The following EGFLAM variants were observed in gnomAD, a reference collection of about 807,000 sequenced individuals.
EGFLAM encodes the protein EGF like, fibronectin type III and laminin G domains.
Under a neutral mutation model 113.1 loss-of-function variants are expected in EGFLAM, and 79 were observed. The observed-to-expected ratio is 0.70, with a 90% confidence interval of 0.58 to 0.84. EGFLAM has a LOEUF of 0.84. EGFLAM is among the 40% of genes least tolerant of loss of function. The pLI is 0.00. For missense variants in EGFLAM, 1,265 were observed against 1,291.6 expected, an observed-to-expected ratio of 0.98 and a Z score of 0.32; for synonymous variants, 504 against 487.6, an observed-to-expected ratio of 1.03 and a Z score of -0.44.
chr5:38,273,952 A>G (rs571866033), intron 1 of EGFLAM, among the ~76,000 whole-genome samples: 2 of 152,348 alleles, frequency 1.3e-5, no homozygotes, highest in East Asian at 3.9e-4. Flanking sequence ...ATGAACTTCA[A>G]TAAAATGCGT....
intron 7 of EGFLAM, 93 bp downstream of exon 7, chr5:38,406,334 A>T: frequency 9.1e-7 from 1 of 1,093,600 alleles, no homozygotes; most frequent in Non-Finnish European, 1.3e-6. Flanking sequence ...ATTTTACTTA[A>T]AACTTAAATG....
chr5:38,305,857 A>G (rs1021287663), intron 1 of EGFLAM, among the ~76,000 whole-genome samples: 2 of 152,220 alleles, frequency 1.3e-5, no homozygotes, highest in Non-Finnish European at 1.5e-5. Flanking sequence ...CCAAGGCAGT[A>G]GGACAGACAT....
At chr5:38,344,784 C>T (rs1739433881) in intron 3 of EGFLAM, among the ~76,000 whole-genome samples, 1 of 152,186 alleles carries the variant, frequency 6.6e-6, no homozygotes, top group Non-Finnish European at 1.5e-5. Flanking sequence ...CACATCCACA[C>T]TCTAGCCAAT....
rs142935324 is a variant in EGFLAM, at chr5:38,447,846, T to A, written c.2465-455T>A. 2.1e-3 allele frequency among the ~76,000 whole-genome samples: 314 copies of A among 151,336 alleles called. 2 individuals carry two copies. The highest frequency in any genetic ancestry group is 0.013 in the Admixed American group (205 of 15,188). ...AAGCCTCATTCATAGTGCTTTAGAG[T>A]CTCTCGAAGTCCTAGCTTAAAAGGT... is the stretch of plus-strand genomic sequence containing the variant. On this transcript the variant is annotated intron_variant, in intron 17 of 21. Coordinates refer to ENST00000322350, the MANE Select transcript of EGFLAM (RefSeq NM_152403.4).
chr5:38,341,865 G>A (rs988130046), intron 3 of EGFLAM, among the ~76,000 whole-genome samples: 1 of 151,976 alleles, frequency 6.6e-6, no homozygotes, highest in Non-Finnish European at 1.5e-5. Context: ...GCCCTTGGCT[G>A]TGCATGGCAA....
chr5:38,297,648 G>A (rs1029912084), intron 1 of EGFLAM, among the ~76,000 whole-genome samples: 1 of 152,164 alleles, frequency 6.6e-6, no homozygotes, highest in Non-Finnish European at 1.5e-5. Context: ...TTGACCCTGA[G>A]CCTGTCCTCG....
At chr5:38,305,309 G>C in intron 1 of EGFLAM, 1 of 255,122 alleles carries the variant, frequency 3.9e-6, no homozygotes, top group Non-Finnish European at 8.2e-6. Flanking sequence ...AGATTGCAGG[G>C]CAATTACTTC....
At chr5:38,306,351 G>A (rs1246950699) in intron 1 of EGFLAM, among the ~76,000 whole-genome samples, 2 of 152,078 alleles carry the variant, frequency 1.3e-5, no homozygotes. Flanking sequence ...AAGACAATGG[G>A]CCCCAGAAGA....
intron 6 of EGFLAM, among the ~76,000 whole-genome samples, chr5:38,393,013 C>T (rs1740856914): frequency 6.6e-6 from 1 of 152,164 alleles, no homozygotes; most frequent in Non-Finnish European, 1.5e-5. Context: ...GCTGGGATTA[C>T]AAGCGTGAGC....
rs1758802762 is a variant in EGFLAM, at chr5:38,309,224, T to G, written c.98-28296T>G. On this transcript the variant is annotated intron_variant, in intron 1 of 21. Coordinates refer to ENST00000322350, the MANE Select transcript of EGFLAM (RefSeq NM_152403.4). ...CTACATAATAATGTGCTACTGCACA[T>G]CTCTTCCCAAAGTCATGTTCATTGA... 2.0e-5 allele frequency among the ~76,000 whole-genome samples: 3 copies of G among 152,222 alleles called. No individual in the cohort carries two copies. In the South Asian group the frequency reaches 6.2e-4, roughly 32 times the overall value.
intron 6 of EGFLAM, among the ~76,000 whole-genome samples, chr5:38,371,574 G>A (rs1561053026): frequency 6.6e-6 from 1 of 151,688 alleles, no homozygotes; most frequent in African/African-American, 2.4e-5. Flanking sequence ...AAATTGTTGG[G>A]TTATATAGGG....
chr5:38,341,611 G>C (rs1468964564), intron 3 of EGFLAM, among the ~76,000 whole-genome samples: 6 of 152,134 alleles, frequency 3.9e-5, no homozygotes, highest in Non-Finnish European at 7.3e-5. Flanking sequence ...CATTTCTTTT[G>C]GCATAGAGAT....
At chr5:38,441,965 A>G (rs1326846737) in intron 17 of EGFLAM, among the ~76,000 whole-genome samples, 1 of 152,126 alleles carries the variant, frequency 6.6e-6, no homozygotes, top group Admixed American at 6.6e-5. Context: ...TGTTGAGACA[A>G]AGCTAGGCCT....
chr5:38,465,010 A>C lies in EGFLAM; in HGVS notation c.*1024A>C, dbSNP rs1743422593. 6.6e-6 allele frequency: 1 copy of C among 152,230 alleles called. No individual in the cohort carries two copies. The highest frequency in any genetic ancestry group is 6.5e-5 in the Admixed American group (1 of 15,286). 9.4% of individuals were successfully genotyped at this position (152,230 alleles called of 1,614,324 possible). A position where few individuals can be genotyped will look rare whatever the true frequency, so the allele number is the denominator to read the frequency against. On this transcript the variant is annotated 3_prime_UTR_variant, in exon 22 of 22. Transcript: ENST00000322350. ...TAGTAAACTTGAATAAAGGGGACAA[A>C]GCTAGAACTTATTCATTCATTCATT...
intron 1 of EGFLAM, 78 bp from the exon 2 acceptor site, chr5:38,337,442 C>T (rs1739217085): frequency 7.9e-7 from 1 of 1,259,342 alleles, no homozygotes; most frequent in Non-Finnish European, 1.1e-6. Flanking sequence ...TTAGATAATG[C>T]ACTCTTAAAT....
chr5:38,453,900 C>T (rs775658381), intron 19 of EGFLAM, among the ~76,000 whole-genome samples: 1 of 152,184 alleles, frequency 6.6e-6, no homozygotes, highest in Non-Finnish European at 1.5e-5. Flanking sequence ...AGAGCCCCCT[C>T]CCCTCTCCCA....
In EGFLAM at chr5:38,464,090, G is replaced by A; in HGVS notation, c.*104G>A. 2 of 1,431,480 alleles carry A rather than the reference G, an allele frequency of 1.4e-6. No individual in the cohort carries two copies. Among genetic ancestry groups the A allele is most frequent in the Non-Finnish European group, 1.9e-6 (2 of 1,057,120 alleles). The allele number at this position is 1,431,480 out of a possible 1,614,324, so 88.7% of individuals were successfully genotyped here. A position where few individuals can be genotyped will look rare whatever the true frequency, so the allele number is the denominator to read the frequency against. ...ATGCAGAGGCCCAGGGACCAGGTGT[G>A]TTTCCTCTCACCAAGAAGAAAGTAC... On this transcript the variant is annotated 3_prime_UTR_variant, in exon 22 of 22. Coordinates refer to ENST00000322350, the MANE Select transcript of EGFLAM (RefSeq NM_152403.4).
intron 5 of EGFLAM, among the ~76,000 whole-genome samples, chr5:38,356,720 G>C (rs1739771088): frequency 6.6e-6 from 1 of 152,174 alleles, no homozygotes; most frequent in Non-Finnish European, 1.5e-5. Context: ...TCCACAGCTT[G>C]TTGCAGCATT....
chr5:38,414,580 C>CTCTAATCCTCCGAGAGGATTACATTCACA (rs1741582901), intron 11 of EGFLAM, among the ~76,000 whole-genome samples: 1 of 152,118 alleles, frequency 6.6e-6, no homozygotes, highest in Non-Finnish European at 1.5e-5. Flanking sequence ...CAGATGGTGA[C>CTCTAATCCTCCGAGAGGATTACATTCACA]TCTAATCCTC....
Sources: allele counts gnomAD v4.1 joint callset (sites outside exome capture counted in the v4.1 genomes callset), GRCh38; gene constraint gnomAD v4.1.1; transcripts MANE v1.5; gene names NCBI Gene and HGNC (gene_info 2026-07-23, HGNC 2026-07-21).